Variants in CEP152 observed in about 807,000 individuals in gnomAD.
CEP152 encodes the protein centrosomal protein 152, also known as centrosomal protein of 152 kDa.
Under a neutral mutation model 188.9 loss-of-function variants are expected in CEP152, and 132 were observed. That is an observed-to-expected ratio of 0.70 (90% CI 0.61 to 0.81). The LOEUF (loss-of-function observed/expected upper bound fraction) is 0.81, where lower values mean the gene tolerates loss of function less well. Ranked by LOEUF, CEP152 falls within the 30% of genes least tolerant of loss-of-function variation. CEP152 has a pLI of 0.00. For missense variants in CEP152, 1,914 were observed against 1,969.8 expected, an observed-to-expected ratio of 0.97 and a Z score of 0.54; for synonymous variants, 649 against 666.6, an observed-to-expected ratio of 0.97 and a Z score of 0.41.
intron 26 of CEP152, chr15:48,741,287 G>T: frequency 1.7e-6 from 2 of 1,187,768 alleles, no homozygotes; most frequent in Non-Finnish European, 2.1e-6. Flanking sequence ...GAGCCATGAT[G>T]CCTGGCCCAC....
chr15:48,806,359 T>A (rs1158315735), intron 1 of CEP152, among the ~76,000 whole-genome samples: 1 of 152,138 alleles, frequency 6.6e-6, no homozygotes, highest in African/African-American at 2.4e-5. Flanking sequence ...CAGCAGGAAA[T>A]GGGTTTTCAA....
chr15:48,782,055 A>C, intron 11 of CEP152, 84 bp downstream of exon 11: 2 of 1,280,676 alleles, frequency 1.6e-6, no homozygotes, highest in Non-Finnish European at 1.1e-6. Context: ...TCTATTATAC[A>C]GAGAAACCCA....
chr15:48,785,500 A>T (rs577912444), intron 9 of CEP152, among the ~76,000 whole-genome samples: 7 of 152,302 alleles, frequency 4.6e-5, no homozygotes, highest in African/African-American at 1.4e-4. Flanking sequence ...GACAGTAATG[A>T]CAGCAAGAAG....
chr15:48,749,695 G>A (rs769877424), intron 21 of CEP152, among the ~76,000 whole-genome samples: 1 of 151,832 alleles, frequency 6.6e-6, no homozygotes, highest in African/African-American at 2.4e-5. Context: ...AAATGAAGGT[G>A]GAAGCAGAGA....
intron 21 of CEP152, among the ~76,000 whole-genome samples, chr15:48,751,279 A>G (rs911321510): frequency 6.6e-6 from 1 of 152,250 alleles, no homozygotes; most frequent in Non-Finnish European, 1.5e-5. Context: ...TCCTAAAGCT[A>G]AGTAACATCC....
intron 1 of CEP152, among the ~76,000 whole-genome samples, chr15:48,809,029 C>T (rs1898173128): frequency 6.6e-6 from 1 of 152,100 alleles, no homozygotes; most frequent in African/African-American, 2.4e-5. Flanking sequence ...ATGCTCTGAC[C>T]CAGCATTCCT....
At chr15:48,781,963 C>T (rs1896274832) in intron 11 of CEP152, among the ~76,000 whole-genome samples, 176 bp downstream of exon 11, 1 of 152,146 alleles carries the variant, frequency 6.6e-6, no homozygotes, top group African/African-American at 2.4e-5. Context: ...TGCAATTAGA[C>T]AGACCTGAGT....
rs755933405 is a variant in CEP152, at chr15:48,756,250, C to T, written c.2998G>A (p.Asp1000Asn). ...AGTTCAGTTTTTTGTTTCATAAAGT[C>T]TTCTTTAGCTGCCGCAAGCACCTCA... ...INEVLAAAKE[D>N]FMKQKTELLL... The change falls in exon 20 of 27, where the codon GAC becomes AAC. Residue 1000 changes from aspartate (D) to asparagine (N), a missense_variant. Asp to Asn is a conservative substitution (Grantham distance 23). Coordinates refer to ENST00000380950, the MANE Select transcript of CEP152 (RefSeq NM_001194998.2). 3 of 1,602,400 alleles carry T rather than the reference C, an allele frequency of 1.9e-6. No individual in the cohort carries two copies. Among genetic ancestry groups the T allele is most frequent in the South Asian group, 2.3e-5 (2 of 88,638 alleles).
intron 12 of CEP152, among the ~76,000 whole-genome samples, chr15:48,778,722 G>C (rs1896070773): frequency 6.6e-6 from 1 of 152,132 alleles, no homozygotes; most frequent in South Asian, 2.1e-4. Context: ...GGCCGAGGTG[G>C]GAGGATCACC....
intron 26 of CEP152, chr15:48,741,281 C>G: frequency 8.5e-7 from 1 of 1,181,382 alleles, no homozygotes; most frequent in Non-Finnish European, 1.1e-6. Context: ...AGGTGTGAGC[C>G]ATGATGCCTG....
intron 19 of CEP152, among the ~76,000 whole-genome samples, chr15:48,758,031 C>A (rs1384956096): frequency 1.3e-5 from 2 of 152,236 alleles, no homozygotes; most frequent in Admixed American, 6.5e-5. Flanking sequence ...AACTTTGCTG[C>A]ACATTAGAAT....
chr15:48,774,853 A>C (rs1020027510), intron 12 of CEP152, among the ~76,000 whole-genome samples: 2 of 152,208 alleles, frequency 1.3e-5, no homozygotes, highest in African/African-American at 4.8e-5. Flanking sequence ...AGAGTTTTAT[A>C]AGTTTAAAGT....
At chr15:48,781,757 T>C (rs1456422714) in intron 11 of CEP152, among the ~76,000 whole-genome samples, 2 of 152,144 alleles carry the variant, frequency 1.3e-5, no homozygotes, top group Non-Finnish European at 2.9e-5. Context: ...ATAATGGAAC[T>C]CTTCTCCCAT....
chr15:48,771,841 T>C (rs1567003151), intron 13 of CEP152, among the ~76,000 whole-genome samples: 1 of 152,234 alleles, frequency 6.6e-6, no homozygotes, highest in East Asian at 1.9e-4. Flanking sequence ...AGTCATCTAA[T>C]GCAAAGCTTC....
chr15:48,730,762 AAAC>A (rs1459788763), intron 2 of CEP152, among the ~76,000 whole-genome samples: 5 of 152,234 alleles, frequency 3.3e-5, no homozygotes, highest in Admixed American at 1.3e-4. Context: ...ATGCAAATTA[AAAC>A]AACAGTGGAG....
At chr15:48,807,356 CTT>C (rs769482926) in intron 1 of CEP152, among the ~76,000 whole-genome samples, 6 of 152,076 alleles carry the variant, frequency 3.9e-5, no homozygotes, top group Non-Finnish European at 7.4e-5. Flanking sequence ...TGCAAATAGA[CTT>C]AATATTCTAC....
chr15:48,796,510 T>C (rs1285031172), intron 5 of CEP152, among the ~76,000 whole-genome samples: 2 of 152,172 alleles, frequency 1.3e-5, no homozygotes, highest in Non-Finnish European at 2.9e-5. Flanking sequence ...ATTTAGATTA[T>C]GCCAACATCT....
chr15:48,749,916 T>C (rs1033654454), intron 21 of CEP152, among the ~76,000 whole-genome samples: 29 of 152,088 alleles, frequency 1.9e-4, no homozygotes, highest in Admixed American at 7.2e-4. Flanking sequence ...AATACTTTAA[T>C]GTTAAATTTA....
intron 7 of CEP152, among the ~76,000 whole-genome samples, chr15:48,792,569 C>G (rs1344428653): frequency 6.6e-6 from 1 of 152,198 alleles, no homozygotes; most frequent in Non-Finnish European, 1.5e-5. Context: ...TGGCACTTCA[C>G]AATCACTAAC....
Sources: allele counts gnomAD v4.1 joint callset (sites outside exome capture counted in the v4.1 genomes callset), GRCh38; gene constraint gnomAD v4.1.1; transcripts MANE v1.5; gene names NCBI Gene and HGNC (gene_info 2026-07-23, HGNC 2026-07-21).